Variants in SCHIP1 observed in about 807,000 individuals in gnomAD.
SCHIP1 encodes the protein schwannomin-interacting protein 1.
In SCHIP1, 8 loss-of-function variants were observed where a neutral mutation model predicts 29.7. The observed-to-expected ratio is 0.27, with a 90% CI of 0.16 to 0.49. The LOEUF (loss-of-function observed/expected upper bound fraction) is 0.49, where lower values mean the gene tolerates loss of function less well. Ranked by LOEUF, SCHIP1 falls within the 20% of genes least tolerant of loss-of-function variation. The pLI is 0.99. For missense variants in SCHIP1, 193 were observed against 294.6 expected, an observed-to-expected ratio of 0.66 and a Z score of 2.52; for synonymous variants, 76 against 94.9, an observed-to-expected ratio of 0.80 and a Z score of 1.16.
chr3:159,358,635 AT>A, the SCHIP1 span, among the ~76,000 whole-genome samples: 7 of 152,228 alleles, frequency 4.6e-5, no homozygotes, highest in African/African-American at 1.7e-4. Context: ...TTGGTTGACT[AT>A]TAAGCTTCTC....
At chr3:159,648,338 C>A in the SCHIP1 span, among the ~76,000 whole-genome samples, 6 of 152,090 alleles carry the variant, frequency 3.9e-5, no homozygotes, top group Admixed American at 6.6e-5. Context: ...TCAGGCTGAC[C>A]TTGTTTAGAG....
chr3:159,669,203 C>T, the SCHIP1 span, among the ~76,000 whole-genome samples: 2 of 152,070 alleles, frequency 1.3e-5, no homozygotes, highest in African/African-American at 2.4e-5. Context: ...GAACAATGTA[C>T]GTAAAGCAAA....
chr3:159,698,320 CT>C, the SCHIP1 span, among the ~76,000 whole-genome samples: 2 of 152,188 alleles, frequency 1.3e-5, no homozygotes, highest in African/African-American at 4.8e-5. Flanking sequence ...TCAAGCATGT[CT>C]TTTTTCCCCT....
At chr3:159,568,384 A>C in the SCHIP1 span, among the ~76,000 whole-genome samples, 17 of 152,092 alleles carry the variant, frequency 1.1e-4, no homozygotes, top group African/African-American at 3.6e-4. Context: ...AATGTCTAAC[A>C]TTTCACCATT....
chr3:159,828,412 TATATAC>T, the SCHIP1 span, among the ~76,000 whole-genome samples: 6 of 92,814 alleles, frequency 6.5e-5, no homozygotes, highest in Admixed American at 1.1e-4. Context: ...TATATACGTA[TATATAC>T]GTATATATAT....
the SCHIP1 span, among the ~76,000 whole-genome samples, chr3:159,584,291 G>A: frequency 0.017 from 2,579 of 152,238 alleles, 67 homozygotes; most frequent in African/African-American, 0.054. Flanking sequence ...TAATCTTCCC[G>A]TCTTGAGACA....
At chr3:159,428,056 A>G in the SCHIP1 span, among the ~76,000 whole-genome samples, 1 of 152,314 alleles carries the variant, frequency 6.6e-6, no homozygotes, top group African/African-American at 2.4e-5. Context: ...AAGATGGATT[A>G]AAGACTTACA....
At chr3:159,285,824 G>A in the SCHIP1 span, among the ~76,000 whole-genome samples, 1 of 152,114 alleles carries the variant, frequency 6.6e-6, no homozygotes, top group Non-Finnish European at 1.5e-5. Context: ...TCCTTGCTGG[G>A]CATTGACCTA....
chr3:159,506,405 A>G, the SCHIP1 span, among the ~76,000 whole-genome samples: 5 of 152,180 alleles, frequency 3.3e-5, no homozygotes, highest in African/African-American at 4.8e-5. Flanking sequence ...GTTTTCTCCC[A>G]TTCTGTAGGT....
the SCHIP1 span, among the ~76,000 whole-genome samples, chr3:159,536,796 T>C: frequency 6.6e-6 from 1 of 152,200 alleles, no homozygotes; most frequent in Non-Finnish European, 1.5e-5. Flanking sequence ...ATCCTTTAAA[T>C]TATATAAATA....
the SCHIP1 span, among the ~76,000 whole-genome samples, chr3:159,594,408 A>T: frequency 6.6e-6 from 1 of 152,158 alleles, no homozygotes; most frequent in African/African-American, 2.4e-5. Context: ...AAGATAAAGT[A>T]AAGTCAATTG....
At chr3:159,853,560 T>G (rs1220893951) in intron 1 of SCHIP1, 11 of 522,376 alleles carry the variant, frequency 2.1e-5, no homozygotes, top group Non-Finnish European at 1.4e-5. Flanking sequence ...CAGTGGCTAT[T>G]GCCATAATAT....
the SCHIP1 span, among the ~76,000 whole-genome samples, chr3:159,473,330 ACT>A: frequency 1.3e-5 from 2 of 151,964 alleles, no homozygotes; most frequent in African/African-American, 4.8e-5. Flanking sequence ...AAAAGCATTG[ACT>A]CTGTTACTTT....
the SCHIP1 span, among the ~76,000 whole-genome samples, chr3:159,425,995 A>G: frequency 2.1e-4 from 32 of 152,176 alleles, no homozygotes; most frequent in Middle Eastern, 6.8e-3. Flanking sequence ...TGAAACCAAC[A>G]AGAACAAAGA....
chr3:159,562,750 G>A, the SCHIP1 span, among the ~76,000 whole-genome samples: 1 of 152,118 alleles, frequency 6.6e-6, no homozygotes, highest in Non-Finnish European at 1.5e-5. Context: ...CAACCACATG[G>A]GAGACAAGTA....
chr3:159,863,046 A>G (rs1478273305), intron 1 of SCHIP1, among the ~76,000 whole-genome samples: 1 of 152,212 alleles, frequency 6.6e-6, no homozygotes, highest in African/African-American at 2.4e-5. Flanking sequence ...ATTTATGTAA[A>G]GAGGCTAATT....
At chr3:159,277,159 A>C in the SCHIP1 span, among the ~76,000 whole-genome samples, 4 of 152,204 alleles carry the variant, frequency 2.6e-5, no homozygotes, top group East Asian at 1.9e-4. Flanking sequence ...AGGAAAAAAA[A>C]ACCCCACTTC....
the SCHIP1 span, among the ~76,000 whole-genome samples, chr3:159,715,805 G>A: frequency 6.6e-6 from 1 of 152,270 alleles, no homozygotes; most frequent in Non-Finnish European, 1.5e-5. Context: ...GGGGAGAATG[G>A]AACCAAGTTG....
At chr3:159,730,222 A>T in the SCHIP1 span, among the ~76,000 whole-genome samples, 3 of 152,310 alleles carry the variant, frequency 2.0e-5, no homozygotes, top group South Asian at 6.2e-4. Context: ...GAGAGCAAAG[A>T]ATGATGCTAA....
Sources: allele counts gnomAD v4.1 joint callset (sites outside exome capture counted in the v4.1 genomes callset), GRCh38; gene constraint gnomAD v4.1.1; transcripts MANE v1.5; gene names NCBI Gene and HGNC (gene_info 2026-07-23, HGNC 2026-07-21).